DLG2: variants seen among roughly 807,000 people sequenced by gnomAD.
DLG2 encodes disks large homolog 2.
DLG2 carries 45 observed loss-of-function variants against 132.5 expected under a neutral mutation model. That is an observed-to-expected ratio of 0.34 (90% CI 0.27 to 0.44). The LOEUF (loss-of-function observed/expected upper bound fraction) is 0.44, where lower values mean the gene tolerates loss of function less well. Among genes scored for constraint, DLG2 ranks in the 20% least tolerant of loss-of-function variants. The pLI, the probability that DLG2 is intolerant of heterozygous loss-of-function variation, is 1.00. For missense variants in DLG2, 1,045 were observed against 1,196.9 expected (o/e 0.87, Z 1.87); for synonymous variants, 424 against 419.6 (o/e 1.01, Z -0.13).
At chr11:83,667,974 T>A (rs1289727614) in intron 18 of DLG2, among the ~76,000 whole-genome samples, 2 of 968 alleles carry the variant, frequency 2.1e-3, no homozygotes, top group African/African-American at 4.4e-3. Flanking sequence ...AGACTCCGTC[T>A]CAAAAAAAAA....
intron 4 of DLG2, among the ~76,000 whole-genome samples, chr11:85,263,127 T>C (rs2077029080): frequency 1.3e-5 from 2 of 152,156 alleles, no homozygotes; most frequent in African/African-American, 4.8e-5. Flanking sequence ...GGGCATCCCA[T>C]CTATTGGAAA....
intron 2 of DLG2, among the ~76,000 whole-genome samples, chr11:85,608,406 T>C (rs1485063873): frequency 6.6e-6 from 1 of 152,174 alleles, no homozygotes; most frequent in Non-Finnish European, 1.5e-5. Context: ...CTTACAATAC[T>C]ATCCTGCAGT....
chr11:84,468,894 A>C (rs538646169), intron 7 of DLG2, among the ~76,000 whole-genome samples: 1 of 151,546 alleles, frequency 6.6e-6, no homozygotes, highest in East Asian at 1.9e-4. Flanking sequence ...AGGGAGACTC[A>C]TTGACTAATG....
chr11:84,959,280 C>A (rs2052170770), intron 6 of DLG2, among the ~76,000 whole-genome samples: 1 of 152,118 alleles, frequency 6.6e-6, no homozygotes, highest in Admixed American at 6.5e-5. Flanking sequence ...TGCTATATAA[C>A]ATTAAAATTC....
intron 7 of DLG2, among the ~76,000 whole-genome samples, chr11:84,528,455 A>G (rs1333069150): frequency 6.6e-6 from 1 of 152,236 alleles, no homozygotes; most frequent in African/African-American, 2.4e-5. Flanking sequence ...GACGATGGAG[A>G]AAATGATACT....
intron 6 of DLG2, among the ~76,000 whole-genome samples, chr11:84,675,752 C>T (rs1456707742): frequency 1.3e-5 from 2 of 152,094 alleles, no homozygotes; most frequent in East Asian, 1.9e-4. Context: ...CATTGTCTCA[C>T]TTCTCATCCC....
intron 6 of DLG2, among the ~76,000 whole-genome samples, chr11:84,550,587 A>G (rs981218161): frequency 1.3e-5 from 2 of 152,144 alleles, no homozygotes; most frequent in Non-Finnish European, 2.9e-5. Context: ...TTTGACTTCC[A>G]AGGATGAGAT....
At chr11:83,859,749 C>T (rs1456912202) in intron 16 of DLG2, among the ~76,000 whole-genome samples, 2 of 152,164 alleles carry the variant, frequency 1.3e-5, no homozygotes, top group African/African-American at 4.8e-5. Flanking sequence ...GAAAATGTCT[C>T]CAGGGCATCT....
At chr11:83,506,733 C>A (rs1368331699) in intron 21 of DLG2, among the ~76,000 whole-genome samples, 1 of 152,166 alleles carries the variant, frequency 6.6e-6, no homozygotes, top group South Asian at 2.1e-4. Context: ...TCAGAATTTA[C>A]AAACTTAGTG....
At chr11:83,807,353 C>A (rs1196119243) in intron 17 of DLG2, among the ~76,000 whole-genome samples, 2 of 152,132 alleles carry the variant, frequency 1.3e-5, no homozygotes, top group East Asian at 1.9e-4. Context: ...AATTACTAAC[C>A]AATTCTCTCT....
At chr11:84,636,256 G>T (rs1027462499) in intron 6 of DLG2, among the ~76,000 whole-genome samples, 10 of 152,278 alleles carry the variant, frequency 6.6e-5, no homozygotes, top group African/African-American at 2.2e-4. Flanking sequence ...AGATTCATTT[G>T]GCCGAGAAAT....
rs2141087968 is a variant in DLG2, at chr11:83,532,744, C to G, written c.2157G>C (p.Lys719Asn). 3 of 1,613,038 alleles carry G rather than the reference C, an allele frequency of 1.9e-6. No homozygotes were observed. Among genetic ancestry groups the G allele is most frequent in the South Asian group, 1.1e-5 (1 of 90,884 alleles). ...RKERARLKTVKFNAKPGVIDS... is the reference protein window; with the variant it reads ...RKERARLKTVNFNAKPGVIDS... Reference sequence around the variant, plus strand: ...CAATCACTCCAGGTTTGGCATTAAACTTCACTGTCTTCAATCGGGCACGTT... The same window carrying G: ...CAATCACTCCAGGTTTGGCATTAAAGTTCACTGTCTTCAATCGGGCACGTT... The change falls in exon 21 of 28, where the codon AAG (lysine) becomes AAC (asparagine). Residue 719 changes from lysine (K) to asparagine (N), a missense_variant. Transcript: ENST00000376104.
intron 6 of DLG2, among the ~76,000 whole-genome samples, chr11:84,981,038 A>G (rs1231850888): frequency 2.0e-5 from 3 of 152,128 alleles, no homozygotes; most frequent in Admixed American, 6.6e-5. Context: ...CTGGCTTATG[A>G]GCTTTTAAAG....
chr11:84,646,039 T>G (rs553116467), intron 6 of DLG2, among the ~76,000 whole-genome samples: 3 of 152,168 alleles, frequency 2.0e-5, no homozygotes, highest in East Asian at 3.9e-4. Flanking sequence ...CTCTGAAATA[T>G]CTAAAGCTTT....
chr11:83,952,736 T>A (rs1465382715), intron 14 of DLG2, among the ~76,000 whole-genome samples: 1 of 151,932 alleles, frequency 6.6e-6, no homozygotes, highest in East Asian at 1.9e-4. Context: ...CCAAATTACA[T>A]GAATAAACAT....
intron 7 of DLG2, among the ~76,000 whole-genome samples, chr11:84,396,532 A>G (rs2098811670): frequency 6.6e-6 from 1 of 152,240 alleles, no homozygotes; most frequent in Admixed American, 6.5e-5. Flanking sequence ...AAATTCATTC[A>G]AGCTCAAGCC....
At chr11:84,193,003 A>C (rs1329737894) in intron 8 of DLG2, among the ~76,000 whole-genome samples, 1 of 152,156 alleles carries the variant, frequency 6.6e-6, no homozygotes. Flanking sequence ...AAATTAGTGA[A>C]TTTTATATTC....
intron 3 of DLG2, among the ~76,000 whole-genome samples, chr11:85,401,097 C>A (rs1177826807): frequency 6.6e-6 from 1 of 151,918 alleles, no homozygotes; most frequent in Admixed American, 6.6e-5. Context: ...CTATAAAATA[C>A]TGGCAAACCA....
At chr11:84,248,297 A>C (rs1302485747) in intron 8 of DLG2, among the ~76,000 whole-genome samples, 6 of 151,994 alleles carry the variant, frequency 3.9e-5, no homozygotes, top group Non-Finnish European at 8.8e-5. Context: ...AGAATTTAGC[A>C]TGTTTTACCT....
Sources: gnomAD v4.1 joint callset for allele counts (sites outside exome capture counted in the v4.1 genomes callset) on GRCh38, gnomAD v4.1.1 for gene constraint, MANE v1.5 for transcripts, NCBI Gene and HGNC (gene_info 2026-07-23, HGNC 2026-07-21) for gene names.